Variants in ATP2A3 observed in about 807,000 individuals in gnomAD.
The protein encoded by ATP2A3 is sarcoplasmic/endoplasmic reticulum calcium ATPase 3.
In ATP2A3, 61 loss-of-function variants were observed where a neutral mutation model predicts 106.8. That is an observed-to-expected ratio of 0.57 (90% confidence interval 0.46 to 0.71). The LOEUF (loss-of-function observed/expected upper bound fraction) is 0.71. ATP2A3 is among the 30% of genes least tolerant of loss of function. The pLI, the probability that ATP2A3 is intolerant of heterozygous loss-of-function variation, is 0.00. For synonymous variants in ATP2A3, 611 were observed against 609.3 expected (o/e 1.00, Z -0.04); for missense variants, 1,201 against 1,423.5 (o/e 0.84, Z 2.52).
intron 1 of ATP2A3, among the ~76,000 whole-genome samples, chr17:3,959,149 C>T (rs1004464747): frequency 6.6e-6 from 1 of 152,042 alleles, no homozygotes; most frequent in Admixed American, 6.6e-5. Context: ...CCACCCACCT[C>T]GGCCTCCCAA....
intron 17 of ATP2A3, among the ~76,000 whole-genome samples, chr17:3,931,523 CTTTTTTTTT>C (rs368874628): frequency 2.1e-5 from 3 of 140,470 alleles, no homozygotes; most frequent in Non-Finnish European, 4.7e-5. Flanking sequence ...GATCTTTTTT[CTTTTTTTTT>C]TTTTTTTGAA....
Position 3,925,306 on chromosome 17 carries a change from G to A in ATP2A3, c.*116C>T, listed in dbSNP as rs547158735. On this transcript the variant is annotated 3_prime_UTR_variant, in exon 21 of 21. Coordinates refer to ENST00000397041, the MANE Select transcript of ATP2A3 (RefSeq NM_005173.4). The surrounding 1 kb of genome is among the most constrained non-coding windows in gnomAD (Gnocchi z 4.2). ...CTGACCTCGGGCCTGTCATTTATCC[G>A]GCGGGACCCGGTGGGCAAGTGGGCG... 11,401 of 1,574,082 alleles carry A rather than the reference G, an allele frequency of 7.2e-3. 61 individuals are homozygous for A. Among genetic ancestry groups the A allele is most frequent in the Non-Finnish European group, 8.8e-3 (10,075 of 1,150,780 alleles).
At chr17:3,941,331 C>T (rs1477761634) in intron 13 of ATP2A3, 25 bp from the exon 14 acceptor site, 6 of 1,613,650 alleles carry the variant, frequency 3.7e-6, no homozygotes, top group African/African-American at 2.7e-5. Context: ...CAGATTCAAG[C>T]GGGGCCTGAG....
At chr17:3,954,816 A>G (rs1201701661) in intron 1 of ATP2A3, among the ~76,000 whole-genome samples, 2 of 152,158 alleles carry the variant, frequency 1.3e-5, no homozygotes, top group Non-Finnish European at 2.9e-5. Flanking sequence ...TTTATCTCCA[A>G]CATTTCCCGA....
chr17:3,944,939 C>A (rs1274438448), intron 9 of ATP2A3, 121 bp downstream of exon 9: 3 of 1,334,880 alleles, frequency 2.2e-6, no homozygotes, highest in Non-Finnish European at 3.0e-6. Flanking sequence ...CCTGGCCCCG[C>A]CCCGGGAGAG....
intron 7 of ATP2A3, among the ~76,000 whole-genome samples, chr17:3,949,398 C>T (rs2054291992): frequency 6.6e-6 from 1 of 152,198 alleles, no homozygotes. Flanking sequence ...CTGAGAAGAG[C>T]CAGGTAGACC....
chr17:3,951,546 G>GCCCCCCCCCCCGGGCAC, intron 4 of ATP2A3, 35 bp downstream of exon 4: 1 of 1,319,570 alleles, frequency 7.6e-7, no homozygotes, highest in Non-Finnish European at 1.0e-6. Context: ...CTGGGAGACC[G>GCCCCCCCCCCCGGGCAC]CCCCCCGCCC....
At chr17:3,957,046 G>T (rs1308326328) in intron 1 of ATP2A3, among the ~76,000 whole-genome samples, 1 of 152,244 alleles carries the variant, frequency 6.6e-6, no homozygotes, top group African/African-American at 2.4e-5. Context: ...TGTACCAGGT[G>T]CCTTACCGCA....
At chr17:3,938,054 G>T (rs1160445461) in intron 14 of ATP2A3, among the ~76,000 whole-genome samples, 1 of 152,212 alleles carries the variant, frequency 6.6e-6, no homozygotes, top group East Asian at 1.9e-4. Flanking sequence ...TCAAGTTGAA[G>T]ATCAAGGCAA....
Position 3,942,617 on chromosome 17 carries a change from T to C in ATP2A3, c.1534A>G (p.Met512Val). 1 of 1,611,390 alleles carries C rather than the reference T, an allele frequency of 6.2e-7. No homozygotes were observed. Among genetic ancestry groups the C allele is most frequent in the Non-Finnish European group, 8.5e-7 (1 of 1,179,690 alleles). ...AGGCAGGCCCCCACCTTCACAAACA[T>C]CTTGCTGCCCTGGCCAGTAGGGTGA... Reference protein sequence around the residue: ...RPHPTGQGSKMFVKGAPESVI... With the variant: ...RPHPTGQGSKVFVKGAPESVI... Residue 512 changes from methionine (M) to valine (V), a missense_variant, in exon 12 of 21, where the codon ATG (methionine) becomes GTG (valine). By Grantham distance (21) the Met-to-Val change is conservative. Coordinates refer to ENST00000397041, the MANE Select transcript of ATP2A3 (RefSeq NM_005173.4).
intron 11 of ATP2A3, 141 bp from the exon 12 acceptor site, chr17:3,942,872 C>T (rs561938179): frequency 7.9e-7 from 1 of 1,260,422 alleles, no homozygotes; most frequent in East Asian, 2.5e-5. Flanking sequence ...CCATTCAAGG[C>T]CTCCATTTCC....
At chr17:3,940,066 G>C (rs1383623245) in intron 14 of ATP2A3, among the ~76,000 whole-genome samples, 2 of 87,282 alleles carry the variant, frequency 2.3e-5, no homozygotes, top group African/African-American at 5.4e-5. Flanking sequence ...TTTTTTTTTG[G>C]AGAGATGGGG....
chr17:3,941,163 GCAGATGGCCACGGCAGTGC>G lies in ATP2A3; in HGVS notation c.1889_1907del (p.Gly630AlafsTer65), dbSNP rs2053746037. On this transcript the variant is annotated frameshift_variant, in exon 14 of 21. Transcript: ENST00000397041. LOFTEE classifies it high-confidence loss of function. ...TGTCCCCAAAGATGCCAAGCCTGCGGCAGATGGCCACGGCAGTGCCTTTGTTATCCCCCGTGATCATGAC... is the reference window on the plus strand; with the variant it reads ...TGTCCCCAAAGATGCCAAGCCTGCGGCTTTGTTATCCCCCGTGATCATGAC... The G allele has an allele frequency of 6.2e-7, 1 of 1,614,046 alleles. No individual in the cohort carries two copies. Among genetic ancestry groups the G allele is most frequent in the African/African-American group, 1.3e-5 (1 of 74,954 alleles).
intron 14 of ATP2A3, 26 bp downstream of exon 14, chr17:3,940,945 C>T: frequency 1.2e-6 from 2 of 1,613,434 alleles, no homozygotes; most frequent in Non-Finnish European, 1.7e-6. Flanking sequence ...ATCACCCCCT[C>T]CTGGGGCTCC....
chr17:3,959,559 T>A (rs1395168776), intron 1 of ATP2A3, among the ~76,000 whole-genome samples: 1 of 152,184 alleles, frequency 6.6e-6, no homozygotes, highest in Non-Finnish European at 1.5e-5. Context: ...TCATCCCCCC[T>A]CTACTCCTTC....
intron 14 of ATP2A3, among the ~76,000 whole-genome samples, chr17:3,939,096 G>C (rs2144422823): frequency 6.6e-6 from 1 of 152,252 alleles, no homozygotes; most frequent in Non-Finnish European, 1.5e-5. Flanking sequence ...GAGCCCGAGA[G>C]GATGAGGCTT....
At position 3,941,530 on chromosome 17, in the gene ATP2A3, TCTGAGC is replaced by T; in HGVS notation, c.1664_1669del (p.Gly555_Ser556del). 1 of 1,613,858 alleles carries T rather than the reference TCTGAGC, an allele frequency of 6.2e-7. No homozygotes were observed. The highest frequency in any genetic ancestry group is 8.5e-7 in the Non-Finnish European group (1 of 1,179,964). ...GGCCAGTGCCAGGCAGCGCAGCGTG[TCTGAGC>T]CTGAGCCCCAATCCCGGATCTTTGC... On this transcript the variant is annotated inframe_deletion, in exon 13 of 21. Transcript: ENST00000397041.
rs964984869 is a variant in ATP2A3, at chr17:3,926,977, T to C, written c.2981-1536A>G. 3.0e-6 allele frequency: 3 copies of C among 985,378 alleles called. No individual in the cohort carries two copies. Among genetic ancestry groups the C allele is most frequent in the Admixed American group, 1.2e-4 (2 of 16,278 alleles). The allele number at this position is 985,378 out of a possible 1,614,324, so 61.0% of individuals were successfully genotyped here. On this transcript the variant is annotated intron_variant, in intron 20 of 20. Transcript: ENST00000397041. The surrounding 1 kb of genome is among the most constrained non-coding windows in gnomAD (Gnocchi z 4.6). ...CCCTGAGGACAATGTCCAGGGTCTC[T>C]ACCTTGGCACTCAAGGCCCTTGCCC...
intron 17 of ATP2A3, among the ~76,000 whole-genome samples, chr17:3,934,522 C>CTTTTTTTTTTTTTTTTTTT (rs111586874): frequency 8.1e-6 from 1 of 123,394 alleles, no homozygotes. Context: ...CCCCTCGATT[C>CTTTTTTTTTTTTTTTTTTT]TTTTTTTTTT....
Sources: gnomAD v4.1 joint callset for allele counts (sites outside exome capture counted in the v4.1 genomes callset) on GRCh38, gnomAD v4.1.1 for gene constraint, Gnocchi (gnomAD v3.1) non-coding constraint, MANE v1.5 for transcripts, NCBI Gene and HGNC (gene_info 2026-07-23, HGNC 2026-07-21) for gene names.